DPYD: variants seen among roughly 807,000 people sequenced by gnomAD.
The protein encoded by DPYD is dihydropyrimidine dehydrogenase [NADP(+)].
Under a neutral mutation model 116.2 loss-of-function variants are expected in DPYD, and 109 were observed. That is an observed-to-expected ratio of 0.94 (90% CI 0.80 to 1.10). The LOEUF (loss-of-function observed/expected upper bound fraction) is 1.10. Ranked by LOEUF, DPYD falls within the 50% of genes least tolerant of loss-of-function variation. DPYD has a pLI of 0.00. For synonymous variants in DPYD, 440 were observed against 432.0 expected, an observed-to-expected ratio of 1.02 and a Z score of -0.23; for missense variants, 1,302 against 1,254.5, an observed-to-expected ratio of 1.04 and a Z score of -0.57.
At chr1:97,313,080 A>G (rs955198712) in intron 16 of DPYD, among the ~76,000 whole-genome samples, 1 of 151,920 alleles carries the variant, frequency 6.6e-6, no homozygotes, top group Non-Finnish European at 1.5e-5. Context: ...CCAGGCACAC[A>G]ATAAAATGGA....
chr1:97,359,070 G>C (rs1670572819), intron 16 of DPYD, among the ~76,000 whole-genome samples: 1 of 152,056 alleles, frequency 6.6e-6, no homozygotes, highest in African/African-American at 2.4e-5. Context: ...CTTGAAAAAA[G>C]ATGAGATGAA....
chr1:97,102,761 A>T, intron 20 of DPYD, among the ~76,000 whole-genome samples: 1 of 151,922 alleles, frequency 6.6e-6, no homozygotes, highest in East Asian at 1.9e-4. Context: ...TATCATTGTT[A>T]TTAATTTTGT....
At chr1:97,824,857 A>C (rs1324766242) in intron 3 of DPYD, among the ~76,000 whole-genome samples, 1 of 152,158 alleles carries the variant, frequency 6.6e-6, no homozygotes, top group Admixed American at 6.5e-5. Flanking sequence ...TATTCTTGGA[A>C]ATCATATGCC....
chr1:97,482,316 A>T (rs1457438481), intron 13 of DPYD, among the ~76,000 whole-genome samples: 1 of 152,206 alleles, frequency 6.6e-6, no homozygotes, highest in East Asian at 1.9e-4. Flanking sequence ...TTTTCCACTA[A>T]GGATGAACTG....
At chr1:97,783,262 C>G (rs945660745) in intron 3 of DPYD, among the ~76,000 whole-genome samples, 1 of 152,146 alleles carries the variant, frequency 6.6e-6, no homozygotes, top group African/African-American at 2.4e-5. Context: ...TACTTTTATA[C>G]AAGATGACTT....
intron 14 of DPYD, among the ~76,000 whole-genome samples, chr1:97,414,266 A>C (rs2101676848): frequency 6.6e-6 from 1 of 152,344 alleles, no homozygotes; most frequent in Middle Eastern, 3.4e-3. Flanking sequence ...TATTACAATT[A>C]GTCTATCAGT....
chr1:97,689,218 T>G (rs1331838263), intron 7 of DPYD, among the ~76,000 whole-genome samples: 1 of 151,900 alleles, frequency 6.6e-6, no homozygotes, highest in African/African-American at 2.4e-5. Flanking sequence ...GATTGGCTAA[T>G]AAGATAAATT....
At chr1:97,288,455 A>C (rs1426189786) in intron 18 of DPYD, among the ~76,000 whole-genome samples, 24 of 152,000 alleles carry the variant, frequency 1.6e-4, no homozygotes, top group Admixed American at 1.6e-3. Flanking sequence ...TCCTCAGCAA[A>C]TGTAAAAGAA....
chr1:97,597,074 G>C (rs1393065501), intron 8 of DPYD, among the ~76,000 whole-genome samples: 1 of 152,064 alleles, frequency 6.6e-6, no homozygotes, highest in Non-Finnish European at 1.5e-5. Flanking sequence ...GGAGGGATGG[G>C]GTTGGTAAAA....
intron 12 of DPYD, among the ~76,000 whole-genome samples, chr1:97,522,823 T>C (rs1648782655): frequency 1.3e-5 from 2 of 152,154 alleles, no homozygotes; most frequent in Non-Finnish European, 2.9e-5. Context: ...ATTCCTCAAG[T>C]ATATTTTGCA....
chr1:97,844,817 C>A (rs549750602), intron 2 of DPYD, among the ~76,000 whole-genome samples: 2 of 152,340 alleles, frequency 1.3e-5, no homozygotes, highest in East Asian at 3.9e-4. Flanking sequence ...GGAAACCCCC[C>A]ACTGCCCCTG....
At chr1:97,283,755 T>A (rs1233246558) in intron 18 of DPYD, among the ~76,000 whole-genome samples, 1 of 152,164 alleles carries the variant, frequency 6.6e-6, no homozygotes, top group Non-Finnish European at 1.5e-5. Context: ...ATATATTATT[T>A]AAGAATGAGT....
intron 19 of DPYD, among the ~76,000 whole-genome samples, chr1:97,224,888 T>C (rs549746989): frequency 6.6e-6 from 1 of 152,140 alleles, no homozygotes; most frequent in African/African-American, 2.4e-5. Flanking sequence ...TATGCTGCAA[T>C]TTCTTCATCA....
At chr1:97,251,514 G>A (rs978926254) in intron 18 of DPYD, among the ~76,000 whole-genome samples, 1 of 151,708 alleles carries the variant, frequency 6.6e-6, no homozygotes, top group East Asian at 1.9e-4. Context: ...GTAAATCAAT[G>A]TCAACTTAGA....
At chr1:97,208,306 G>A (rs75560415) in intron 19 of DPYD, among the ~76,000 whole-genome samples, 1 of 46,504 alleles carries the variant, frequency 2.2e-5, no homozygotes, top group African/African-American at 8.8e-5. Flanking sequence ...TTTTTTTTTT[G>A]ACAGGGTCTC....
chr1:97,287,818 C>A (rs1160006365), intron 18 of DPYD, among the ~76,000 whole-genome samples: 3 of 152,048 alleles, frequency 2.0e-5, no homozygotes, highest in Non-Finnish European at 4.4e-5. Flanking sequence ...CCTGATTTTC[C>A]AGGTGCCATC....
At chr1:97,730,080 A>G (rs1291836582) in intron 4 of DPYD, among the ~76,000 whole-genome samples, 7 of 152,078 alleles carry the variant, frequency 4.6e-5, no homozygotes, top group Admixed American at 4.6e-4. Context: ...TTGTTAATAT[A>G]TATTTGCGGT....
chr1:97,814,485 GAGAAACAAAA>G (rs1185767829), intron 3 of DPYD, among the ~76,000 whole-genome samples: 2 of 152,166 alleles, frequency 1.3e-5, no homozygotes, highest in African/African-American at 2.4e-5. Flanking sequence ...GGTAGCAGGG[GAGAAACAAAA>G]CTGGACAGAT....
intron 8 of DPYD, among the ~76,000 whole-genome samples, chr1:97,667,916 T>A (rs1271480254): frequency 6.6e-6 from 1 of 152,138 alleles, no homozygotes; most frequent in African/African-American, 2.4e-5. Flanking sequence ...ACAACATGAA[T>A]GAAGGTTGAG....
Sources: allele counts gnomAD v4.1 joint callset (sites outside exome capture counted in the v4.1 genomes callset), GRCh38; gene constraint gnomAD v4.1.1; transcripts MANE v1.5; gene names NCBI Gene and HGNC (gene_info 2026-07-23, HGNC 2026-07-21).